The following PCDHGB1 variants were observed in gnomAD, a reference collection of about 807,000 sequenced individuals.
The protein encoded by PCDHGB1 is protocadherin gamma subfamily B, 1.
PCDHGB1 carries 34 observed loss-of-function variants against 56.6 expected under a neutral mutation model. That is an observed-to-expected ratio of 0.60 (90% CI 0.46 to 0.80). PCDHGB1 has a LOEUF of 0.80. Ranked by LOEUF, PCDHGB1 falls within the 30% of genes least tolerant of loss-of-function variation. The pLI is 0.00. For synonymous variants in PCDHGB1, 561 were observed against 505.9 expected (o/e 1.11, Z -1.46); for missense variants, 1,278 against 1,204.6 (o/e 1.06, Z -0.90).
intron 1 of PCDHGB1, chr5:141,419,492 A>G: frequency 6.2e-7 from 1 of 1,612,358 alleles, no homozygotes; most frequent in South Asian, 1.1e-5. Flanking sequence ...GCTCAGCGCC[A>G]ATGTGAGCCT....
Position 141,489,072 on chromosome 5 carries a change from AC to A in PCDHGB1, c.2410-5730del. The A allele has an allele frequency of 6.3e-6, 1 of 157,708 alleles. No individual in the cohort carries two copies. The highest frequency in any genetic ancestry group is 1.2e-5 in the Non-Finnish European group (1 of 83,994). The allele number at this position is 157,708 out of a possible 1,614,324, so 9.8% of individuals were successfully genotyped here. On this transcript the variant is annotated intron_variant, in intron 1 of 3. Coordinates refer to ENST00000523390, the MANE Select transcript of PCDHGB1 (RefSeq NM_018922.3). This position sits in a 1 kb window ranked among gnomAD's most constrained non-coding sequence, Gnocchi z 4.5. ...AATTCAGCTCCCCTCCCCCCTGCCC[AC>A]CCCCGCCACTCGGTGACTAAGAACT...
chr5:141,383,193 G>A, intron 1 of PCDHGB1: 2 of 1,614,066 alleles, frequency 1.2e-6, no homozygotes, highest in Non-Finnish European at 1.7e-6. Flanking sequence ...TCTGCGCTCA[G>A]AGTGCGCGGT....
rs372479779 is a variant in PCDHGB1, at chr5:141,399,808, C to T, written c.2409+47139C>T. On this transcript the variant is annotated intron_variant, in intron 1 of 3. Coordinates refer to ENST00000523390, the MANE Select transcript of PCDHGB1 (RefSeq NM_018922.3). The stretch of plus-strand genomic sequence containing the variant: ...CGACAACGCACCGCGGGTGCTGTAC[C>T]CCGCGCTGGGTCCCGACGGCTCTGC... 72 of 1,613,090 alleles carry T rather than the reference C, an allele frequency of 4.5e-5. No homozygotes were observed. The highest frequency in any genetic ancestry group is 6.0e-5 in the Non-Finnish European group (71 of 1,179,762).
intron 1 of PCDHGB1, among the ~76,000 whole-genome samples, chr5:141,444,225 G>A (rs1307884592): frequency 8.0e-6 from 1 of 125,604 alleles, no homozygotes; most frequent in African/African-American, 3.1e-5. Context: ...AGGCTGGAGT[G>A]CAATGGCATG....
In PCDHGB1 at chr5:141,432,627, C is replaced by G. The variant is rs886117102; in HGVS notation, c.2410-62180C>G. On this transcript the variant is annotated intron_variant, in intron 1 of 3. Transcript: ENST00000523390. This position sits in a 1 kb window ranked among gnomAD's most constrained non-coding sequence, Gnocchi z 6.0. The stretch of plus-strand genomic sequence containing the variant: ...GGACTCTTCTCGGTGGGTCTGCACA[C>G]GGGCGAGGTGCGCACGGCGCGAGCC... The G allele has an allele frequency of 1.2e-6, 2 of 1,613,652 alleles. No individual in the cohort carries two copies. The highest frequency in any genetic ancestry group is 2.7e-5 in the African/African-American group (2 of 74,886).
intron 1 of PCDHGB1, among the ~76,000 whole-genome samples, chr5:141,488,675 T>C (rs888235928): frequency 2.6e-5 from 4 of 152,116 alleles, no homozygotes; most frequent in Admixed American, 1.3e-4. Flanking sequence ...TACATGGGCT[T>C]TGCCTCTCCC....
intron 2 of PCDHGB1, among the ~76,000 whole-genome samples, chr5:141,505,177 A>G (rs917485235): frequency 6.6e-6 from 1 of 152,180 alleles, no homozygotes; most frequent in East Asian, 1.9e-4. Flanking sequence ...AAAAGAAAAA[A>G]GCATCGGAGG....
intron 1 of PCDHGB1, chr5:141,413,424 G>T: frequency 6.2e-7 from 1 of 1,614,086 alleles, no homozygotes; most frequent in Non-Finnish European, 8.5e-7. Flanking sequence ...CTCTGAACCC[G>T]CGCAGCGGCA....
chr5:141,502,866 CTTTT>C (rs549047197), intron 2 of PCDHGB1, among the ~76,000 whole-genome samples: 1 of 128,042 alleles, frequency 7.8e-6, no homozygotes. Context: ...GACTCTCTGT[CTTTT>C]TTTTTTTTTT....
intron 1 of PCDHGB1, chr5:141,399,478 G>T (rs367753385): frequency 2.0e-5 from 32 of 1,613,894 alleles, no homozygotes; most frequent in Non-Finnish European, 2.6e-5. Context: ...TTTCCACCAG[G>T]CGTCCTACTT....
intron 1 of PCDHGB1, chr5:141,424,478 G>A (rs953233220): frequency 3.3e-5 from 5 of 151,898 alleles, no homozygotes; most frequent in Admixed American, 6.6e-5. Context: ...CTTTTACTTT[G>A]GTGTCTGTGT....
rs1330713312 is a variant in PCDHGB1 at position 141,414,559 on chromosome 5, T to G, written c.2409+61890T>G. The stretch of plus-strand genomic sequence containing the variant: ...ACCTACCTTCTCTCAAGTCTCCTAC[T>G]TTACCTATATCCCAGAGAACAACGC... On this transcript the variant is annotated intron_variant, in intron 1 of 3. Coordinates refer to ENST00000523390, the MANE Select transcript of PCDHGB1 (RefSeq NM_018922.3). 5.0e-6 allele frequency: 8 copies of G among 1,613,782 alleles called. No homozygotes were observed. The Admixed American group carries it at 1.0e-4, about 20-fold the overall frequency.
intron 1 of PCDHGB1, among the ~76,000 whole-genome samples, chr5:141,449,290 G>A (rs1255760925): frequency 1.3e-5 from 2 of 151,934 alleles, no homozygotes; most frequent in Admixed American, 6.6e-5. Context: ...CGGATGCACC[G>A]GGTGAATTAT....
rs567934336 is a variant in PCDHGB1, at chr5:141,368,320, A to G, written c.2409+15651A>G. 5.3e-5 allele frequency among the ~76,000 whole-genome samples: 8 copies of G among 152,298 alleles called. No homozygotes were observed. The East Asian group carries it at 1.5e-3, about 29-fold the overall frequency. ...TTTAAACACTGTTAAAGAGCATTCA[A>G]GTATATCTATATCTATATACATATA... On this transcript the variant is annotated intron_variant, in intron 1 of 3. Transcript: ENST00000523390.
chr5:141,423,078 C>A (rs752144906), intron 1 of PCDHGB1: 1 of 1,613,990 alleles, frequency 6.2e-7, no homozygotes, highest in Admixed American at 1.7e-5. Context: ...AGCCGGGACT[C>A]TTCGCGGTGG....
rs542548063 is a variant in PCDHGB1, at chr5:141,412,999, C to T, written c.2409+60330C>T. On this transcript the variant is annotated intron_variant, in intron 1 of 3. Coordinates refer to ENST00000523390, the MANE Select transcript of PCDHGB1 (RefSeq NM_018922.3). Reference sequence around the variant, plus strand: ...GCAGCCAGAGCTCAATCCGGATTCTCAGGGCTTCAACTACACAAGCCCCAC... The same window carrying T: ...GCAGCCAGAGCTCAATCCGGATTCTTAGGGCTTCAACTACACAAGCCCCAC... 150 of 588,234 alleles carry T rather than the reference C, an allele frequency of 2.6e-4. 1 individual carries two copies. In the South Asian group the frequency reaches 3.6e-3, roughly 14 times the overall value. 36.4% of individuals were successfully genotyped at this position (588,234 alleles called of 1,614,324 possible). A position where few individuals can be genotyped will look rare whatever the true frequency, so the allele number is the denominator to read the frequency against.
At chr5:141,366,053 G>T in intron 1 of PCDHGB1, 1 of 1,614,252 alleles carries the variant, frequency 6.2e-7, no homozygotes, top group Non-Finnish European at 8.5e-7. Context: ...TTCCACGGGC[G>T]TGGAGCTGGC....
chr5:141,399,336 T>C, intron 1 of PCDHGB1: 2 of 1,613,976 alleles, frequency 1.2e-6, no homozygotes, highest in Non-Finnish European at 1.7e-6. Context: ...TGGTAACAGA[T>C]GGAACCCTAG....
At chr5:141,373,455 A>T (rs1561559553) in intron 1 of PCDHGB1, among the ~76,000 whole-genome samples, 1 of 152,204 alleles carries the variant, frequency 6.6e-6, no homozygotes, top group Non-Finnish European at 1.5e-5. Flanking sequence ...CCCAGGAGGT[A>T]GCAGCTGCAA....
Sources: gnomAD v4.1 joint callset for allele counts (sites outside exome capture counted in the v4.1 genomes callset) on GRCh38, gnomAD v4.1.1 for gene constraint, Gnocchi (gnomAD v3.1) non-coding constraint, MANE v1.5 for transcripts, NCBI Gene and HGNC (gene_info 2026-07-23, HGNC 2026-07-21) for gene names.